CADPS2: variants seen among roughly 807,000 people sequenced by gnomAD.
The protein encoded by CADPS2 is calcium dependent secretion activator 2.
In CADPS2, 93 loss-of-function variants were observed where a neutral mutation model predicts 172.5. The ratio of observed to expected loss-of-function variants is 0.54; its 90% CI spans 0.46 to 0.64. The LOEUF (loss-of-function observed/expected upper bound fraction) is 0.64, where lower values mean the gene tolerates loss of function less well. CADPS2 is among the 30% of genes least tolerant of loss of function. The probability of loss-of-function intolerance (pLI) is 0.00; values close to 1 mark genes in which losing one functional copy is unlikely to be tolerated. For synonymous variants in CADPS2, 546 were observed against 555.2 expected (o/e 0.98, Z 0.23); for missense variants, 1,420 against 1,565.9 (o/e 0.91, Z 1.57).
At chr7:122,325,684 C>G in intron 28 of CADPS2, 103 bp from the exon 29 acceptor site, 1 of 680,260 alleles carries the variant, frequency 1.5e-6, no homozygotes, top group Non-Finnish European at 2.6e-6. Context: ...ATAAAACACT[C>G]TGAAATGACC....
chr7:122,838,109 G>T (rs143993545), intron 1 of CADPS2, among the ~76,000 whole-genome samples: 2 of 152,318 alleles, frequency 1.3e-5, no homozygotes, highest in Non-Finnish European at 2.9e-5. Context: ...TCCCTGGGAT[G>T]CAAGGCTGGT....
intron 11 of CADPS2, among the ~76,000 whole-genome samples, chr7:122,489,728 A>G (rs1033783408): frequency 5.9e-5 from 9 of 152,128 alleles, no homozygotes; most frequent in African/African-American, 1.7e-4. Context: ...TATCAAAGCA[A>G]ATTTGATTTT....
At chr7:122,545,388 G>A (rs1291476032) in intron 8 of CADPS2, among the ~76,000 whole-genome samples, 1 of 152,066 alleles carries the variant, frequency 6.6e-6, no homozygotes, top group Non-Finnish European at 1.5e-5. Context: ...ATAGATTTGA[G>A]CAAATAAAAG....
intron 25 of CADPS2, among the ~76,000 whole-genome samples, chr7:122,368,410 G>A (rs1434407795): frequency 6.6e-6 from 1 of 152,078 alleles, no homozygotes; most frequent in Non-Finnish European, 1.5e-5. Context: ...TGGTGTTGTG[G>A]AGAGATCATA....
At chr7:122,653,659 C>T (rs2079423718) in intron 3 of CADPS2, among the ~76,000 whole-genome samples, 10 of 152,146 alleles carry the variant, frequency 6.6e-5, no homozygotes, top group Admixed American at 5.2e-4. Context: ...TCTATAGGTG[C>T]TATTTTTCCA....
chr7:122,807,947 A>G (rs1252011835), intron 1 of CADPS2, among the ~76,000 whole-genome samples: 1 of 152,166 alleles, frequency 6.6e-6, no homozygotes, highest in African/African-American at 2.4e-5. Flanking sequence ...ACTTCAACAA[A>G]TGACGTAGAT....
intron 16 of CADPS2, 99 bp downstream of exon 16, chr7:122,441,413 A>G (rs1029911473): frequency 1.0e-5 from 7 of 667,562 alleles, no homozygotes; most frequent in African/African-American, 1.8e-5. Flanking sequence ...GAATCAGTAG[A>G]GAGCATAGAA....
intron 1 of CADPS2, among the ~76,000 whole-genome samples, chr7:122,856,150 T>C (rs1201359638): frequency 1.3e-5 from 2 of 152,182 alleles, no homozygotes; most frequent in African/African-American, 2.4e-5. Flanking sequence ...AGCTGCTTTA[T>C]GATGGTGTCA....
chr7:122,579,451 ATATAT>A (rs2068510623), intron 7 of CADPS2, among the ~76,000 whole-genome samples: 1 of 15,706 alleles, frequency 6.4e-5, no homozygotes. Flanking sequence ...ATTGCATCGA[ATATAT>A]ATATATATAT....
At chr7:122,542,690 G>T (rs1255926325) in intron 8 of CADPS2, among the ~76,000 whole-genome samples, 2 of 151,832 alleles carry the variant, frequency 1.3e-5, no homozygotes, top group East Asian at 3.9e-4. Flanking sequence ...CACATTTCAG[G>T]TTCAATCCTC....
At position 122,556,447 on chromosome 7, in the gene CADPS2, A is replaced by C. The variant is rs547711232; in HGVS notation, c.1336-1758T>G. On this transcript the variant is annotated intron_variant, in intron 7 of 29. Transcript: ENST00000449022. ...TTGGCATGAGCCACTTACAGACTTT[A>C]TTGTTTTTTAATTCTTCCTTCTATG... 3.3e-5 allele frequency among the ~76,000 whole-genome samples: 5 copies of C among 152,180 alleles called. No individual in the cohort carries two copies. In the South Asian group the frequency reaches 1.0e-3, roughly 32 times the overall value.
At chr7:122,506,390 G>A (rs192146921) in intron 9 of CADPS2, among the ~76,000 whole-genome samples, 33 of 152,224 alleles carry the variant, frequency 2.2e-4, no homozygotes, top group African/African-American at 6.0e-4. Context: ...TTTAATCTGG[G>A]GACAGAATTA....
intron 1 of CADPS2, among the ~76,000 whole-genome samples, chr7:122,762,092 ATGTG>A (rs2093408414): frequency 6.6e-6 from 1 of 150,870 alleles, no homozygotes; most frequent in Non-Finnish European, 1.5e-5. Flanking sequence ...AAGTGTATAT[ATGTG>A]TAATATACAT....
intron 17 of CADPS2, among the ~76,000 whole-genome samples, chr7:122,433,317 C>T (rs2050206225): frequency 6.6e-6 from 1 of 151,976 alleles, no homozygotes; most frequent in Admixed American, 6.6e-5. Context: ...CCCCTATCTT[C>T]TGTTACTTCA....
intron 8 of CADPS2, among the ~76,000 whole-genome samples, chr7:122,543,746 C>G (rs2063336711): frequency 6.6e-6 from 1 of 152,052 alleles, no homozygotes; most frequent in African/African-American, 2.4e-5. Flanking sequence ...ATCTGAAATT[C>G]TGAACAATCA....
intron 3 of CADPS2, among the ~76,000 whole-genome samples, chr7:122,646,176 A>G (rs1434280987): frequency 6.6e-6 from 1 of 152,058 alleles, no homozygotes; most frequent in Non-Finnish European, 1.5e-5. Flanking sequence ...ACATTATCTC[A>G]TTTGAACCTC....
chr7:122,834,714 G>A (rs1271294310), intron 1 of CADPS2, among the ~76,000 whole-genome samples: 1 of 152,198 alleles, frequency 6.6e-6, no homozygotes, highest in Non-Finnish European at 1.5e-5. Context: ...AGATCAAACT[G>A]CAAGGCGGCA....
intron 8 of CADPS2, among the ~76,000 whole-genome samples, chr7:122,526,968 GTC>G: frequency 6.6e-6 from 1 of 152,224 alleles, no homozygotes; most frequent in Admixed American, 6.5e-5. Flanking sequence ...TGACTGAATG[GTC>G]TTTTCCTAGT....
At chr7:122,507,130 G>A (rs1362224080) in intron 9 of CADPS2, among the ~76,000 whole-genome samples, 1 of 152,028 alleles carries the variant, frequency 6.6e-6, no homozygotes, top group Non-Finnish European at 1.5e-5. Flanking sequence ...GGATATAAAT[G>A]CCCCTAACAA....
Sources: allele counts gnomAD v4.1 joint callset (sites outside exome capture counted in the v4.1 genomes callset), GRCh38; gene constraint gnomAD v4.1.1; transcripts MANE v1.5; gene names NCBI Gene and HGNC (gene_info 2026-07-23, HGNC 2026-07-21).